CFAP99: variants seen among roughly 807,000 people sequenced by gnomAD.
CFAP99 encodes cilia and flagella associated protein 99.
In CFAP99, 84 loss-of-function variants were observed where a neutral mutation model predicts 82.7. The observed-to-expected ratio is 1.02, with a 90% confidence interval of 0.85 to 1.22. CFAP99 has a LOEUF of 1.22. CFAP99 is among the 50% of genes most tolerant of loss of function. CFAP99 has a pLI of 0.00. For missense variants in CFAP99, 1,059 were observed against 983.5 expected, an observed-to-expected ratio of 1.08 and a Z score of -1.03; for synonymous variants, 456 against 429.5, an observed-to-expected ratio of 1.06 and a Z score of -0.76.
At chr4:2,449,556 C>G in intron 6 of CFAP99, 114 bp from the exon 7 acceptor site, 1 of 915,062 alleles carries the variant, frequency 1.1e-6, no homozygotes, top group South Asian at 1.5e-5. Flanking sequence ...CCAATGCAGG[C>G]CGCCACCACC....
chr4:2,442,628 C>T (rs1265258680), intron 4 of CFAP99, among the ~76,000 whole-genome samples: 1 of 152,178 alleles, frequency 6.6e-6, no homozygotes, highest in African/African-American at 2.4e-5. Context: ...GGGCCGTCAC[C>T]ATGGAGCCCC....
chr4:2,444,161 A>C (rs764815885), intron 5 of CFAP99, among the ~76,000 whole-genome samples: 1 of 152,030 alleles, frequency 6.6e-6, no homozygotes, highest in Non-Finnish European at 1.5e-5. Context: ...TAAACCTCCA[A>C]AGGAAGGAGT....
intron 1 of CFAP99, among the ~76,000 whole-genome samples, chr4:2,422,761 G>T (rs1298922321): frequency 6.6e-6 from 1 of 152,206 alleles, no homozygotes; most frequent in Non-Finnish European, 1.5e-5. Flanking sequence ...TGACGTGGAG[G>T]CAGGGCAAGA....
At chr4:2,427,927 G>A (rs115773913) in intron 2 of CFAP99, 3,138 of 152,482 alleles carry the variant, frequency 0.021, 81 homozygotes, top group African/African-American at 0.066. Flanking sequence ...CGCCTCCTCC[G>A]GCTGGGGCCT....
chr4:2,429,717 G>C (rs1400074668), intron 2 of CFAP99, among the ~76,000 whole-genome samples: 4 of 151,778 alleles, frequency 2.6e-5, no homozygotes, highest in African/African-American at 9.7e-5. Flanking sequence ...TCAGCCTCCC[G>C]AGTAGCTGGG....
At position 2,458,712 on chromosome 4, in the gene CFAP99, T is replaced by C. The variant is rs1342929712; in HGVS notation, c.1162-11T>C. The C allele has an allele frequency of 6.5e-7, 1 of 1,529,978 alleles. No homozygotes were observed. 94.8% of individuals were successfully genotyped at this position (1,529,978 alleles called of 1,614,324 possible). The stretch of plus-strand genomic sequence containing the variant: ...GCCCCACTCACCGTGGCAGGTCCGC[T>C]GTCTGGGCAGATGGCCAAGCTGATG... On this transcript the variant is annotated splice_polypyrimidine_tract_variant and intron_variant, in intron 11 of 14. Coordinates refer to ENST00000635017, the Ensembl canonical transcript of CFAP99.
intron 11 of CFAP99, 93 bp downstream of exon 11, chr4:2,452,439 G>T (rs983526847): frequency 8.3e-6 from 11 of 1,320,470 alleles, no homozygotes; most frequent in Non-Finnish European, 1.0e-5. Context: ...GTGGAGCTGA[G>T]TGTCCACAGC....
intron 1 of CFAP99, among the ~76,000 whole-genome samples, chr4:2,420,783 T>C (rs544956493): frequency 1.3e-5 from 2 of 152,346 alleles, no homozygotes; most frequent in South Asian, 4.1e-4. Flanking sequence ...AGCTTTTCTA[T>C]CTGCCATTCA....
Position 2,462,552 on chromosome 4 carries a change from C to A in CFAP99, c.1771C>A (p.Gln591Lys), listed in dbSNP as rs1385980820. 4.8e-6 allele frequency: 7 copies of A among 1,464,048 alleles called. No homozygotes were observed. Among genetic ancestry groups the A allele is most frequent in the African/African-American group, 1.5e-5 (1 of 67,874 alleles). The allele number at this position is 1,464,048 out of a possible 1,614,324, so 90.7% of individuals were successfully genotyped here. A position where few individuals can be genotyped will look rare whatever the true frequency, so the allele number is the denominator to read the frequency against. ...GGAGAGGGCGGCCGAGCGCAGCAGG[C>A]AGGCGGCCTTGCTGCACGTGTCGGC... Residue 591 changes from glutamine (Q) to lysine (K), a missense_variant, in exon 15 of 15, where the codon CAG (glutamine) becomes AAG (lysine). Physicochemically the swap from Gln to Lys is moderately conservative, Grantham distance 53 (BLOSUM62 1). Transcript: ENST00000635017. The surrounding 1 kb of genome is among the most constrained non-coding windows in gnomAD (Gnocchi z 4.1).
intron 8 of CFAP99, 147 bp from the exon 9 acceptor site, chr4:2,450,800 G>A (rs1734282384): frequency 1.5e-6 from 1 of 658,700 alleles, no homozygotes; most frequent in Non-Finnish European, 2.7e-6. Flanking sequence ...GACCTGGCGT[G>A]GTGGTAGGGA....
intron 4 of CFAP99, among the ~76,000 whole-genome samples, chr4:2,441,996 G>A (rs1271014714): frequency 6.6e-6 from 1 of 152,202 alleles, no homozygotes; most frequent in African/African-American, 2.4e-5. Context: ...CTGCCCGCTG[G>A]CAGAGGGGGA....
chr4:2,422,205 A>G (rs531943219), intron 1 of CFAP99, among the ~76,000 whole-genome samples: 5 of 152,194 alleles, frequency 3.3e-5, no homozygotes, highest in Non-Finnish European at 1.5e-5. Flanking sequence ...TTCAGAATTC[A>G]AGCATCTCTT....
chr4:2,443,309 G>A (rs1734094403), intron 5 of CFAP99, 67 bp downstream of exon 5: 4 of 978,172 alleles, frequency 4.1e-6, no homozygotes, highest in Admixed American at 4.0e-5. Flanking sequence ...TGCCTCCACG[G>A]GCACGGGAGC....
chr4:2,425,613 G>GC (rs891963481), intron 1 of CFAP99, among the ~76,000 whole-genome samples: 1 of 152,146 alleles, frequency 6.6e-6, no homozygotes, highest in African/African-American at 2.4e-5. Context: ...GGTGAGAAGG[G>GC]CCCCCCTCTG....
At chr4:2,458,794 G>A in exon 12 of CFAP99, 2 of 1,535,966 alleles carry the variant, frequency 1.3e-6, no homozygotes, top group East Asian at 2.4e-5. Context: ...AGCTGGTGGA[G>A]CAGGTGATAG....
intron 13 of CFAP99, 136 bp from the exon 14 acceptor site, chr4:2,459,901 G>A (rs1044697708): frequency 1.5e-5 from 11 of 743,360 alleles, no homozygotes; most frequent in African/African-American, 1.4e-4. Context: ...GAGGCTGGGG[G>A]CATGTTTCAT....
At position 2,451,361 on chromosome 4, in the gene CFAP99, C is replaced by T. The variant is rs1216237856; in HGVS notation, c.956+9C>T. On this transcript the variant is annotated intron_variant, in intron 10 of 14. Coordinates refer to ENST00000635017, the Ensembl canonical transcript of CFAP99. ...GAGCAGGAGCTGCAGAGGTGAAGGGCGGCAGGCCCCCCCACCTGCCTTCCA... is the reference window on the plus strand; with the variant it reads ...GAGCAGGAGCTGCAGAGGTGAAGGGTGGCAGGCCCCCCCACCTGCCTTCCA... 5 of 1,534,448 alleles carry T rather than the reference C, an allele frequency of 3.3e-6. No individual in the cohort carries two copies. Among genetic ancestry groups the T allele is most frequent in the Admixed American group, 3.9e-5 (2 of 50,954 alleles).
intron 1 of CFAP99, among the ~76,000 whole-genome samples, chr4:2,421,614 G>T (rs896672698): frequency 2.6e-5 from 4 of 152,114 alleles, no homozygotes; most frequent in Non-Finnish European, 5.9e-5. Flanking sequence ...TTCCCAAAGT[G>T]CTGGGATTAC....
chr4:2,432,928 G>C (rs1733827080), intron 2 of CFAP99, among the ~76,000 whole-genome samples: 1 of 152,222 alleles, frequency 6.6e-6, no homozygotes, highest in African/African-American at 2.4e-5. Flanking sequence ...TGCTGGCCTG[G>C]TCAGAAGGAC....
Sources: allele counts gnomAD v4.1 joint callset (sites outside exome capture counted in the v4.1 genomes callset), GRCh38; gene constraint gnomAD v4.1.1; non-coding constraint Gnocchi (gnomAD v3.1); transcripts MANE v1.5; gene names NCBI Gene and HGNC (gene_info 2026-07-23, HGNC 2026-07-21).